The following RYR2 variants were observed in gnomAD, a reference collection of about 807,000 sequenced individuals.
RYR2 encodes cardiac muscle ryanodine receptor-calcium release channel.
A neutral mutation model predicts 601.1 loss-of-function variants in RYR2; 227 were observed. That is an observed-to-expected ratio of 0.38 (90% CI 0.34 to 0.42). The LOEUF (loss-of-function observed/expected upper bound fraction) is 0.42, where lower values mean the gene tolerates loss of function less well. RYR2 is among the 10% of genes least tolerant of loss of function. The pLI, the probability that RYR2 is intolerant of heterozygous loss-of-function variation, is 1.00. For missense variants in RYR2, 4,646 were observed against 6,156.5 expected (o/e 0.75, Z 8.21); for synonymous variants, 2,223 against 2,175.1 (o/e 1.02, Z -0.61).
chr1:237,792,374 T>TGTGTGTGTGTGTGA, intron 94 of RYR2, 51 bp downstream of exon 94: 2 of 776,470 alleles, frequency 2.6e-6, no homozygotes, highest in African/African-American at 3.1e-5. Context: ...TGTGTGTGTG[T>TGTGTGTGTGTGTGA]GTGTGTGCGT....
chr1:237,778,364 T>G (rs1019851933), intron 87 of RYR2, among the ~76,000 whole-genome samples: 1 of 148,898 alleles, frequency 6.7e-6, no homozygotes, highest in Admixed American at 6.8e-5. Context: ...ACCTTATTTT[T>G]TTTCCTCTAA....
At position 237,707,037 on chromosome 1, in the gene RYR2, G is replaced by C. The variant is rs377626309; in HGVS notation, c.9669G>C (p.Glu3223Asp). The C allele has an allele frequency of 9.9e-6, 16 of 1,613,726 alleles. No individual in the cohort carries two copies. Among genetic ancestry groups the C allele is most frequent in the Admixed American group, 1.7e-5 (1 of 59,994 alleles). The part of the protein sequence containing the change: ...KLMEEIVELA[E>D]SGIRYTQMPH... ...TGGAAGAAATCGTGGAATTAGCCGA[G>C]TCCGGCATTCGCTACACTCAAATGC... Residue 3223 changes from glutamate to aspartate, a missense_variant, in exon 68 of 105, where the codon GAG becomes GAC. By Grantham distance (45) the Glu-to-Asp change is conservative. Coordinates refer to ENST00000366574, the MANE Select transcript of RYR2 (RefSeq NM_001035.3).
At chr1:237,066,664 C>A (rs1204190674) in intron 1 of RYR2, among the ~76,000 whole-genome samples, 1 of 150,542 alleles carries the variant, frequency 6.6e-6, no homozygotes, top group Non-Finnish European at 1.5e-5. Flanking sequence ...TTCTTCGAGA[C>A]GGAGTCTCGC....
At chr1:237,225,882 C>G (rs1429479903) in intron 1 of RYR2, among the ~76,000 whole-genome samples, 2 of 152,092 alleles carry the variant, frequency 1.3e-5, no homozygotes, top group South Asian at 4.2e-4. Flanking sequence ...TGGTGAAACC[C>G]TGTCTCTACT....
intron 35 of RYR2, among the ~76,000 whole-genome samples, chr1:237,604,952 T>A (rs895968094): frequency 5.3e-5 from 8 of 151,852 alleles, no homozygotes; most frequent in Admixed American, 4.6e-4. Context: ...CCAAAAAAAG[T>A]CCAGGACCAG....
chr1:237,423,159 T>G lies in RYR2; in HGVS notation c.916T>G (p.Leu306Val), dbSNP rs1159486360. Residue 306 changes from leucine to valine, a missense_variant, in exon 12 of 105, where the codon TTG (leucine) becomes GTG (valine). This residue lies in a region of RYR2 where 1,807 missense variants were observed against 2,088.1 expected (regional missense o/e 0.87). Transcript: ENST00000366574. ...RLRHVTTGKY[L>V]SLMEDKNLLL... ...ACGCCATGTCACAACAGGAAAATACTTGAGTCTCATGGAAGACAAAAACCT... is the reference window on the plus strand; with the variant it reads ...ACGCCATGTCACAACAGGAAAATACGTGAGTCTCATGGAAGACAAAAACCT... 3 of 1,613,894 alleles carry G rather than the reference T, an allele frequency of 1.9e-6. No homozygotes were observed. The African/African-American group carries it at 4.0e-5, about 22-fold the overall frequency.
At chr1:237,070,060 T>G (rs1664124655) in intron 1 of RYR2, among the ~76,000 whole-genome samples, 1 of 148,978 alleles carries the variant, frequency 6.7e-6, no homozygotes, top group Non-Finnish European at 1.5e-5. Context: ...AGACACAATC[T>G]TACTGTGTTG....
At chr1:237,387,405 G>A (rs1702029994) in intron 9 of RYR2, 25 bp downstream of exon 9, 1 of 1,598,492 alleles carries the variant, frequency 6.3e-7, no homozygotes, top group Non-Finnish European at 8.6e-7. Flanking sequence ...TCAATTAGAG[G>A]GCCTGTCCTT....
intron 2 of RYR2, among the ~76,000 whole-genome samples, chr1:237,299,941 G>A (rs756794176): frequency 3.3e-5 from 5 of 152,144 alleles, no homozygotes; most frequent in African/African-American, 4.8e-5. Flanking sequence ...GATGCCACCT[G>A]TCATTCTCCT....
At chr1:237,757,585 A>T in intron 81 of RYR2, 112 bp from the exon 82 acceptor site, 1 of 695,882 alleles carries the variant, frequency 1.4e-6, no homozygotes, top group Non-Finnish European at 2.6e-6. Context: ...GCCATTAAAC[A>T]GATTGCCTGG....
intron 62 of RYR2, among the ~76,000 whole-genome samples, chr1:237,684,608 A>C (rs988155787): frequency 5.3e-5 from 8 of 152,192 alleles, no homozygotes; most frequent in African/African-American, 1.9e-4. Context: ...TTTCAGAAAA[A>C]GAATCGTTTC....
At chr1:237,416,316 GGAAA>G (rs1704976369) in intron 10 of RYR2, among the ~76,000 whole-genome samples, 1 of 152,126 alleles carries the variant, frequency 6.6e-6, no homozygotes, top group Admixed American at 6.6e-5. Flanking sequence ...TTAACACTCA[GGAAA>G]GAAAGAGGGC....
chr1:237,389,649 A>G (rs1702219484), intron 10 of RYR2, among the ~76,000 whole-genome samples: 1 of 152,222 alleles, frequency 6.6e-6, no homozygotes, highest in African/African-American at 2.4e-5. Context: ...GAGAGAAGGT[A>G]TCTAATCCAG....
At chr1:237,763,680 A>G (rs1451390005) in intron 84 of RYR2, among the ~76,000 whole-genome samples, 2 of 152,212 alleles carry the variant, frequency 1.3e-5, no homozygotes, top group African/African-American at 4.8e-5. Flanking sequence ...CAAGGCTTCC[A>G]AGATTAAATT....
rs186790734 is a variant in RYR2, at chr1:237,479,480, G to A, written c.1708+10293G>A. Among the ~76,000 whole-genome samples, 94 of 152,060 alleles carry A rather than the reference G, an allele frequency of 6.2e-4. 2 individuals carry two copies. The highest frequency in any genetic ancestry group is 4.4e-3 in the South Asian group (21 of 4,826). On this transcript the variant is annotated intron_variant, in intron 17 of 104. Coordinates refer to ENST00000366574, the MANE Select transcript of RYR2 (RefSeq NM_001035.3). Reference sequence around the variant, plus strand: ...GGAGAACTTTTAAAATTGATGTAACGATGAAGCTGATGCTATGCTCAGTTT... The same window carrying A: ...GGAGAACTTTTAAAATTGATGTAACAATGAAGCTGATGCTATGCTCAGTTT...
intron 1 of RYR2, among the ~76,000 whole-genome samples, chr1:237,208,583 G>A (rs536462427): frequency 8.5e-5 from 13 of 152,110 alleles, no homozygotes; most frequent in African/African-American, 3.1e-4. Flanking sequence ...TGGCATAATT[G>A]TCAAAAATTA....
At chr1:237,795,993 T>A (rs144276696) in intron 96 of RYR2, among the ~76,000 whole-genome samples, 1 of 149,742 alleles carries the variant, frequency 6.7e-6, no homozygotes, top group Non-Finnish European at 1.5e-5. Flanking sequence ...TATACATATA[T>A]AAATGTGTAC....
chr1:237,337,313 A>T (rs530118842), intron 3 of RYR2, among the ~76,000 whole-genome samples: 5 of 152,242 alleles, frequency 3.3e-5, no homozygotes, highest in Middle Eastern at 6.8e-3. Flanking sequence ...TAAATAAATT[A>T]AAAAAATACA....
At chr1:237,128,069 C>T (rs1177909186) in intron 1 of RYR2, among the ~76,000 whole-genome samples, 14 of 152,146 alleles carry the variant, frequency 9.2e-5, no homozygotes, top group South Asian at 6.2e-4. Flanking sequence ...GCCGAGATCA[C>T]GCCACTGCAC....
Sources: gnomAD v4.1 joint callset for allele counts (sites outside exome capture counted in the v4.1 genomes callset) on GRCh38, gnomAD v4.1.1 for gene constraint, gnomAD v4.1.1 regional missense constraint, MANE v1.5 for transcripts, NCBI Gene and HGNC (gene_info 2026-07-23, HGNC 2026-07-21) for gene names.